Variants in CEP43 observed in about 807,000 individuals in gnomAD.
CEP43 encodes the protein centrosomal protein 43.
In CEP43, 36 loss-of-function variants were observed where a neutral mutation model predicts 52.6. That is an observed-to-expected ratio of 0.68 (90% CI 0.52 to 0.90). The LOEUF (loss-of-function observed/expected upper bound fraction) is 0.90. Among genes scored for constraint, CEP43 ranks in the 40% least tolerant of loss-of-function variants. CEP43 has a pLI of 0.00. For synonymous variants in CEP43, 192 were observed against 172.4 expected, an observed-to-expected ratio of 1.11 and a Z score of -0.89; for missense variants, 506 against 472.8, an observed-to-expected ratio of 1.07 and a Z score of -0.65.
chr6:167,036,767 A>G lies in CEP43; in HGVS notation c.1125+2796A>G, dbSNP rs764440317. 3.2e-4 allele frequency: 319 copies of G among 984,860 alleles called. 1 individual carries two copies. The highest frequency in any genetic ancestry group is 3.7e-4 in the Non-Finnish European group (309 of 829,574). 61.0% of individuals were successfully genotyped at this position (984,860 alleles called of 1,614,324 possible). ...GGTCACTTTGAGTTCTTATTCTAAA[A>G]CTAAGGAGGCATGAAAGCCGCCTTT... On this transcript the variant is annotated intron_variant, in intron 12 of 12. Coordinates refer to ENST00000366847, the MANE Select transcript of CEP43 (RefSeq NM_007045.4).
chr6:167,005,757 C>T (rs1261646307), intron 5 of CEP43, among the ~76,000 whole-genome samples: 2 of 152,226 alleles, frequency 1.3e-5, no homozygotes, highest in African/African-American at 4.8e-5. Context: ...ACCCAGTCTC[C>T]TGGGGCCAGC....
chr6:167,047,076 A>C lies in CEP43; in HGVS notation c.*7098A>C, dbSNP rs1780809381. On this transcript the variant is annotated 3_prime_UTR_variant, in exon 13 of 13. Transcript: ENST00000366847. Reference sequence around the variant, plus strand: ...GTCCACGTGGAAACCTGGCTGGGAGAATGCCTGTGTGCTCTGCATGGGGAT... The same window carrying C: ...GTCCACGTGGAAACCTGGCTGGGAGCATGCCTGTGTGCTCTGCATGGGGAT... 6.6e-6 allele frequency: 1 copy of C among 152,314 alleles called. No homozygotes were observed. Among genetic ancestry groups the C allele is most frequent in the Admixed American group, 6.5e-5 (1 of 15,286 alleles). 9.4% of individuals were successfully genotyped at this position (152,314 alleles called of 1,614,324 possible).
At chr6:167,008,233 C>T (rs1167262401) in intron 5 of CEP43, among the ~76,000 whole-genome samples, 1 of 151,662 alleles carries the variant, frequency 6.6e-6, no homozygotes, top group African/African-American at 2.4e-5. Context: ...GTTATTCTAT[C>T]CTCCACTTGG....
intron 7 of CEP43, among the ~76,000 whole-genome samples, chr6:167,020,261 A>G (rs1310117305): frequency 6.6e-6 from 1 of 152,236 alleles, no homozygotes; most frequent in Non-Finnish European, 1.5e-5. Context: ...TCATTAATTT[A>G]TATTAATAAC....
In CEP43 at chr6:167,040,314, G is replaced by A. The variant is rs138683004; in HGVS notation, c.*336G>A. 7.8e-3 allele frequency: 11,149 copies of A among 1,435,836 alleles called. 61 individuals are homozygous for A. Among genetic ancestry groups the A allele is most frequent in the Non-Finnish European group, 9.2e-3 (10,090 of 1,102,402 alleles). The allele number at this position is 1,435,836 out of a possible 1,614,324, so 88.9% of individuals were successfully genotyped here. A position where few individuals can be genotyped will look rare whatever the true frequency, so the allele number is the denominator to read the frequency against. On this transcript the variant is annotated 3_prime_UTR_variant, in exon 13 of 13. Transcript: ENST00000366847. ...GGTGTCAATAAAGCCGTAGGATCGC[G>A]CAACCCTTTGTGTGTGTGGCTGCTG...
At chr6:167,019,301 G>A (rs73026247) in intron 7 of CEP43, among the ~76,000 whole-genome samples, 3 of 145,598 alleles carry the variant, frequency 2.1e-5, no homozygotes, top group African/African-American at 7.6e-5. Flanking sequence ...GTGCACACGC[G>A]TACACCTGCT....
At position 167,042,440 on chromosome 6, in the gene CEP43, T is replaced by A; in HGVS notation, c.*2462T>A. On this transcript the variant is annotated 3_prime_UTR_variant, in exon 13 of 13. Transcript: ENST00000366847. Reference sequence around the variant, plus strand: ...GATATTCGGTTGTGCTTTTATACTTTATGTTGGATAACAACCTGTGGGCAG... The same window carrying A: ...GATATTCGGTTGTGCTTTTATACTTAATGTTGGATAACAACCTGTGGGCAG... 1.1e-6 allele frequency: 1 copy of A among 907,474 alleles called. No individual in the cohort carries two copies. Among genetic ancestry groups the A allele is most frequent in the Non-Finnish European group, 1.3e-6 (1 of 756,826 alleles). The allele number at this position is 907,474 out of a possible 1,614,324, so 56.2% of individuals were successfully genotyped here.
At chr6:167,037,458 C>T (rs1314637822) in intron 12 of CEP43, among the ~76,000 whole-genome samples, 1 of 152,204 alleles carries the variant, frequency 6.6e-6, no homozygotes, top group Non-Finnish European at 1.5e-5. Context: ...GTTTGTTTTA[C>T]AGTCTGTCTG....
chr6:166,999,915 T>TC (rs1779692640), intron 1 of CEP43, 145 bp from the exon 2 acceptor site: 1 of 633,730 alleles, frequency 1.6e-6, no homozygotes, highest in Admixed American at 2.9e-5. Flanking sequence ...CTTGTGTGAC[T>TC]GAGAACGTTT....
intron 7 of CEP43, among the ~76,000 whole-genome samples, chr6:167,021,205 C>G (rs1188522326): frequency 6.6e-6 from 1 of 152,058 alleles, no homozygotes; most frequent in Non-Finnish European, 1.5e-5. Context: ...GTATGCAAGG[C>G]TGAATTTTGG....
Position 167,024,779 on chromosome 6 carries a change from TAGG to T in CEP43, c.809_811del (p.Arg270del). The T allele has an allele frequency of 6.2e-7, 1 of 1,607,696 alleles. No individual in the cohort carries two copies. Among genetic ancestry groups the T allele is most frequent in the Non-Finnish European group, 8.5e-7 (1 of 1,175,272 alleles). On this transcript the variant is annotated splice_acceptor_variant and coding_sequence_variant, in exon 9 of 13. Coordinates refer to ENST00000366847, the MANE Select transcript of CEP43 (RefSeq NM_007045.4). LOFTEE classifies it high-confidence loss of function. ...CCGATTAACTGTCCTTGTTTCTTGTTAGGAGGAAGGAACCTAGGAAGCAAGCAG... is the reference window on the plus strand; with the variant it reads ...CCGATTAACTGTCCTTGTTTCTTGTTAGGAAGGAACCTAGGAAGCAAGCAG...
rs1780744620 is a variant in CEP43 at position 167,043,525 on chromosome 6, T to TAATA, written c.*3547_*3548insAATA. ...CCTCCCAAGTAGCTGAGATTACAGGTGCCTGCCACCATGCCCAGCTAATTT... is the reference window on the plus strand; with the variant it reads ...CCTCCCAAGTAGCTGAGATTACAGGTAATAGCCTGCCACCATGCCCAGCTAATTT... On this transcript the variant is annotated 3_prime_UTR_variant, in exon 13 of 13. Coordinates refer to ENST00000366847, the MANE Select transcript of CEP43 (RefSeq NM_007045.4). 6.6e-6 allele frequency: 1 copy of TAATA among 152,134 alleles called. No individual in the cohort carries two copies. The highest frequency in any genetic ancestry group is 2.4e-5 in the African/African-American group (1 of 41,364). The allele number at this position is 152,134 out of a possible 1,614,324, so 9.4% of individuals were successfully genotyped here.
chr6:167,021,924 T>A (rs551107205), intron 7 of CEP43, among the ~76,000 whole-genome samples: 1 of 152,236 alleles, frequency 6.6e-6, no homozygotes, highest in African/African-American at 2.4e-5. Context: ...ATGACTACTT[T>A]AATGCTTGGT....
At position 167,007,558 on chromosome 6, in the gene CEP43, A is replaced by G. The variant is rs368372223; in HGVS notation, c.438+3157A>G. Among the ~76,000 whole-genome samples, 47 of 152,212 alleles carry G rather than the reference A, an allele frequency of 3.1e-4. 1 individual carries two copies. The highest frequency in any genetic ancestry group is 1.3e-3 in the East Asian group (7 of 5,196). On this transcript the variant is annotated intron_variant, in intron 5 of 12. Transcript: ENST00000366847. ...ATAAAATATTTAAAATAGAGACCTCAAAGATGTATGTTTTGGCCCTTCATT... is the reference window on the plus strand; with the variant it reads ...ATAAAATATTTAAAATAGAGACCTCGAAGATGTATGTTTTGGCCCTTCATT...
rs112816063 is a variant in CEP43, at chr6:167,021,854, C to T, written c.580-555C>T. Among the ~76,000 whole-genome samples, 10 of 152,284 alleles carry T rather than the reference C, an allele frequency of 6.6e-5. 1 individual carries two copies. Among genetic ancestry groups the T allele is most frequent in the African/African-American group, 1.4e-4 (6 of 41,554 alleles). On this transcript the variant is annotated intron_variant, in intron 7 of 12. Coordinates refer to ENST00000366847, the MANE Select transcript of CEP43 (RefSeq NM_007045.4). ...TAGAAATATGAGTGGTTGAAGGCAGCGCCTTTCACCTTGATGCCTGTTGTG... is the reference window on the plus strand; with the variant it reads ...TAGAAATATGAGTGGTTGAAGGCAGTGCCTTTCACCTTGATGCCTGTTGTG...
At chr6:167,018,547 C>T (rs998221819) in intron 7 of CEP43, among the ~76,000 whole-genome samples, 1 of 152,078 alleles carries the variant, frequency 6.6e-6, no homozygotes, top group Non-Finnish European at 1.5e-5. Context: ...CGTGCCACCA[C>T]ACCCAGCTAA....
At chr6:167,003,678 A>G (rs760007258) in intron 3 of CEP43, 45 bp from the exon 4 acceptor site, 1 of 1,196,658 alleles carries the variant, frequency 8.4e-7, no homozygotes. Context: ...TAAAAAATTC[A>G]GTTTTTGAAG....
intron 10 of CEP43, among the ~76,000 whole-genome samples, chr6:167,027,697 AACTGC>A (rs1780384165): frequency 1.3e-5 from 2 of 152,182 alleles, no homozygotes; most frequent in South Asian, 4.1e-4. Flanking sequence ...AGATAAACTA[AACTGC>A]TATTTCCTCA....
chr6:167,014,186 G>T (rs1332146013), intron 7 of CEP43, among the ~76,000 whole-genome samples: 1 of 152,094 alleles, frequency 6.6e-6, no homozygotes, highest in Non-Finnish European at 1.5e-5. Context: ...TTTATTTGAG[G>T]AAAATAGAAC....
Sources: gnomAD v4.1 joint callset for allele counts (sites outside exome capture counted in the v4.1 genomes callset) on GRCh38, gnomAD v4.1.1 for gene constraint, MANE v1.5 for transcripts, NCBI Gene and HGNC (gene_info 2026-07-23, HGNC 2026-07-21) for gene names.